Variants in CEP170 observed in about 807,000 individuals in gnomAD.
The protein encoded by CEP170 is centrosomal protein 170, also known as centrosomal protein of 170 kDa.
Under a neutral mutation model 151.9 loss-of-function variants are expected in CEP170, and 21 were observed. That is an observed-to-expected ratio of 0.14 (90% CI 0.10 to 0.20). The LOEUF is 0.20. Ranked by LOEUF, CEP170 falls within the 10% of genes least tolerant of loss-of-function variation. CEP170 has a pLI of 1.00. For missense variants in CEP170, 964 were observed against 1,892.9 expected, an observed-to-expected ratio of 0.51 and a Z score of 9.11; for synonymous variants, 356 against 648.8, an observed-to-expected ratio of 0.55 and a Z score of 6.86.
At chr1:243,231,170 A>G (rs1444718295) in intron 1 of CEP170, among the ~76,000 whole-genome samples, 2 of 120,726 alleles carry the variant, frequency 1.7e-5, no homozygotes, top group Non-Finnish European at 3.9e-5. Context: ...CATCATCATC[A>G]TCATCATCAT....
chr1:243,242,292 C>A (rs1052241959), intron 1 of CEP170, among the ~76,000 whole-genome samples: 4 of 152,098 alleles, frequency 2.6e-5, no homozygotes, highest in Non-Finnish European at 4.4e-5. Flanking sequence ...GATCTCTGCT[C>A]AATACAAGCT....
intron 17 of CEP170, among the ~76,000 whole-genome samples, chr1:243,134,993 C>T (rs1418257596): frequency 3.3e-5 from 5 of 152,098 alleles, no homozygotes; most frequent in Non-Finnish European, 7.3e-5. Flanking sequence ...AACACACCCA[C>T]TATTAGATAT....
At chr1:243,210,154 G>C (rs2061686277) in intron 4 of CEP170, among the ~76,000 whole-genome samples, 1 of 152,172 alleles carries the variant, frequency 6.6e-6, no homozygotes, top group South Asian at 2.1e-4. Context: ...GTACGTAAGA[G>C]AAAAATGTCT....
At chr1:243,159,505 A>G (rs1454436946) in intron 13 of CEP170, among the ~76,000 whole-genome samples, 2 of 152,226 alleles carry the variant, frequency 1.3e-5, no homozygotes, top group African/African-American at 4.8e-5. Context: ...AAAATTCCCT[A>G]TCACCTGCTA....
chr1:243,243,235 G>A (rs1329987190), intron 1 of CEP170, among the ~76,000 whole-genome samples: 1 of 151,984 alleles, frequency 6.6e-6, no homozygotes, highest in African/African-American at 2.4e-5. Context: ...GAGAAAGGAA[G>A]GAAGGAAAGA....
intron 14 of CEP170, among the ~76,000 whole-genome samples, chr1:243,147,730 T>G (rs2056661303): frequency 6.6e-6 from 1 of 152,222 alleles, no homozygotes; most frequent in Non-Finnish European, 1.5e-5. Flanking sequence ...ATCCTAATTT[T>G]TTTCCCAAAA....
At chr1:243,170,967 A>G (rs2058799937) in intron 11 of CEP170, among the ~76,000 whole-genome samples, 1 of 152,230 alleles carries the variant, frequency 6.6e-6, no homozygotes, top group African/African-American at 2.4e-5. Flanking sequence ...TACCAACAGT[A>G]TGAGCGTCAC....
At position 243,235,010 on chromosome 1, in the gene CEP170, CT is replaced by C. The variant is rs949815329; in HGVS notation, c.-41-9690del. Among the ~76,000 whole-genome samples, 69 of 152,092 alleles carry C rather than the reference CT, an allele frequency of 4.5e-4. 3 individuals carry two copies. Among genetic ancestry groups the C allele is most frequent in the Admixed American group, 6.5e-5 (1 of 15,276 alleles). The stretch of plus-strand genomic sequence containing the variant: ...AGAAAATGGACATAAACATTATATA[CT>C]GTTACACATGAGGACCCCATTTTAT... On this transcript the variant is annotated intron_variant, in intron 1 of 19. Transcript: ENST00000366542.
intron 14 of CEP170, among the ~76,000 whole-genome samples, chr1:243,142,988 T>C (rs1157583669): frequency 2.0e-5 from 3 of 152,176 alleles, no homozygotes; most frequent in Non-Finnish European, 4.4e-5. Context: ...TTTATGGTCA[T>C]CACTGCTTCA....
intron 16 of CEP170, among the ~76,000 whole-genome samples, chr1:243,139,036 G>A (rs2055481066): frequency 6.6e-6 from 1 of 151,972 alleles, no homozygotes; most frequent in Non-Finnish European, 1.5e-5. Context: ...GTCTTGACAT[G>A]CGTTTCTCTG....
At chr1:243,164,059 C>A (rs2058266505) in intron 13 of CEP170, among the ~76,000 whole-genome samples, 1 of 152,064 alleles carries the variant, frequency 6.6e-6, no homozygotes. Context: ...CTATTTTGCG[C>A]CAGGACTCTA....
intron 1 of CEP170, among the ~76,000 whole-genome samples, chr1:243,237,456 A>G (rs567594222): frequency 1.3e-5 from 2 of 152,380 alleles, no homozygotes; most frequent in Non-Finnish European, 2.9e-5. Context: ...AAATGACACT[A>G]TTATTTACCT....
intron 10 of CEP170, among the ~76,000 whole-genome samples, chr1:243,184,364 A>C (rs2789118): frequency 0.016 from 2,465 of 151,678 alleles, 26 homozygotes; most frequent in African/African-American, 0.024. Flanking sequence ...CTCTCTCTCT[A>C]TATATATATA....
intron 1 of CEP170, among the ~76,000 whole-genome samples, chr1:243,225,602 T>G (rs1445804010): frequency 1.3e-5 from 2 of 152,198 alleles, no homozygotes; most frequent in Non-Finnish European, 2.9e-5. Context: ...TCTGAAAGCC[T>G]TTTAGCACAG....
intron 2 of CEP170, among the ~76,000 whole-genome samples, chr1:243,224,409 T>C (rs2063063683): frequency 6.6e-6 from 1 of 151,888 alleles, no homozygotes; most frequent in South Asian, 2.1e-4. Flanking sequence ...AGAAGAATTG[T>C]CTTGGGTCAC....
chr1:243,239,233 C>T (rs1332441986), intron 1 of CEP170, among the ~76,000 whole-genome samples: 3 of 152,136 alleles, frequency 2.0e-5, no homozygotes, highest in Non-Finnish European at 2.9e-5. Flanking sequence ...CTGTTCTCCC[C>T]GTCTTAGCGA....
intron 10 of CEP170, among the ~76,000 whole-genome samples, chr1:243,178,864 T>TCATGCCC (rs2059429508): frequency 6.6e-6 from 1 of 151,920 alleles, no homozygotes; most frequent in African/African-American, 2.4e-5. Context: ...GATTGCAGGC[T>TCATGCCC]CATGCCCCAT....
chr1:243,166,035 C>T lies in CEP170; in HGVS notation c.1925G>A (p.Arg642Lys), dbSNP rs1321034123. 1 of 1,612,506 alleles carries T rather than the reference C, an allele frequency of 6.2e-7. No individual in the cohort carries two copies. The highest frequency in any genetic ancestry group is 8.5e-7 in the Non-Finnish European group (1 of 1,179,148). The change falls in exon 13 of 20, where the codon AGA (arginine) becomes AAA (lysine). Residue 642 changes from arginine (R) to lysine (K), a missense_variant. By Grantham distance (26) the Arg-to-Lys change is conservative (BLOSUM62 2). Coordinates refer to ENST00000366542, the MANE Select transcript of CEP170 (RefSeq NM_014812.3). The part of the protein sequence containing the change: ...TSLASQGERR[R>K]RTLPQLPNEE... ...ATTTGGAAGCTGGGGAAGAGTTCGT[C>T]TCCTTCTCTCTCCCTGGCTAGCCAA...
chr1:243,150,090 A>G (rs1381375969), intron 14 of CEP170, among the ~76,000 whole-genome samples: 1 of 152,146 alleles, frequency 6.6e-6, no homozygotes, highest in Non-Finnish European at 1.5e-5. Flanking sequence ...TTTTTGTCTT[A>G]CAATGCCAAG....
Sources: gnomAD v4.1 joint callset for allele counts (sites outside exome capture counted in the v4.1 genomes callset) on GRCh38, gnomAD v4.1.1 for gene constraint, MANE v1.5 for transcripts, NCBI Gene and HGNC (gene_info 2026-07-23, HGNC 2026-07-21) for gene names.